The following PTPRE variants were observed in gnomAD, a reference collection of about 807,000 sequenced individuals.
PTPRE encodes the protein receptor-type tyrosine-protein phosphatase epsilon.
PTPRE carries 51 observed loss-of-function variants against 102.0 expected under a neutral mutation model. That is an observed-to-expected ratio of 0.50 (90% confidence interval 0.40 to 0.63). PTPRE has a LOEUF of 0.63. PTPRE is among the 30% of genes least tolerant of loss of function. The probability of loss-of-function intolerance (pLI) is 0.00; values close to 1 mark genes in which losing one functional copy is unlikely to be tolerated. For synonymous variants in PTPRE, 345 were observed against 348.2 expected, an observed-to-expected ratio of 0.99 and a Z score of 0.10; for missense variants, 752 against 915.1, an observed-to-expected ratio of 0.82 and a Z score of 2.30.
chr10:128,076,183 C>A (rs12708321), intron 17 of PTPRE, among the ~76,000 whole-genome samples: 36,271 of 152,050 alleles, frequency 0.24, 4,568 homozygotes, highest in East Asian at 0.4. Flanking sequence ...TTAAACCTTA[C>A]TCCATCTGGG....
intron 6 of PTPRE, among the ~76,000 whole-genome samples, chr10:128,052,908 A>C (rs1046925651): frequency 2.0e-5 from 3 of 152,134 alleles, no homozygotes; most frequent in Admixed American, 6.5e-5. Flanking sequence ...CCTGCCCGAC[A>C]CTACCGAGCG....
intron 1 of PTPRE, among the ~76,000 whole-genome samples, chr10:127,975,217 G>A (rs540531050): frequency 3.9e-5 from 6 of 152,098 alleles, no homozygotes; most frequent in Non-Finnish European, 5.9e-5. Flanking sequence ...GTGAGTGAGC[G>A]GCCTCTAGAA....
intron 1 of PTPRE, among the ~76,000 whole-genome samples, chr10:127,911,359 G>T (rs1845856115): frequency 6.6e-6 from 1 of 152,224 alleles, no homozygotes; most frequent in Non-Finnish European, 1.5e-5. Flanking sequence ...AATGCAACTT[G>T]CTGTGCACAT....
rs1214278308 is a variant in PTPRE, at chr10:127,907,877, A to G, written c.-31+568A>G. Reference sequence around the variant, plus strand: ...ATGCAGCAGCCGCCGGGGGTCGGAGATGCGGCAGGGAGACCCTGGCAGGTG... The same window carrying G: ...ATGCAGCAGCCGCCGGGGGTCGGAGGTGCGGCAGGGAGACCCTGGCAGGTG... On this transcript the variant is annotated intron_variant, in intron 1 of 20. Transcript: ENST00000254667. The surrounding 1 kb of genome is among the most constrained non-coding windows in gnomAD (Gnocchi z 4.8). Among the ~76,000 whole-genome samples, 1 of 152,134 alleles carries G rather than the reference A, an allele frequency of 6.6e-6. No individual in the cohort carries two copies. Among genetic ancestry groups the G allele is most frequent in the Admixed American group, 6.5e-5 (1 of 15,280 alleles).
chr10:127,977,417 A>T (rs184148887), intron 1 of PTPRE, among the ~76,000 whole-genome samples: 1 of 152,362 alleles, frequency 6.6e-6, no homozygotes, highest in Admixed American at 6.5e-5. Context: ...CTTCCAAAAA[A>T]TTCTTCAAGG....
At position 127,907,188 on chromosome 10, in the gene PTPRE, C is replaced by T. The variant is rs1845530632; in HGVS notation, c.-152C>T. On this transcript the variant is annotated 5_prime_UTR_variant, in exon 1 of 21. Coordinates refer to ENST00000254667, the MANE Select transcript of PTPRE (RefSeq NM_006504.6). This position sits in a 1 kb window ranked among gnomAD's most constrained non-coding sequence, Gnocchi z 4.8. ...GGAACCCACGGCCTCTGCGCGTCCC[C>T]GCGACCCTTCTTCGCGCCCGGCGAA... The T allele has an allele frequency of 1.1e-6, 1 of 914,566 alleles. No homozygotes were observed. The highest frequency in any genetic ancestry group is 1.3e-6 in the Non-Finnish European group (1 of 766,000). 56.7% of individuals were successfully genotyped at this position (914,566 alleles called of 1,614,324 possible).
At chr10:128,023,581 C>T (rs61873758) in intron 2 of PTPRE, among the ~76,000 whole-genome samples, 6,239 of 152,244 alleles carry the variant, frequency 0.041, 179 homozygotes, top group Middle Eastern at 0.085. Context: ...ATAAACTTTA[C>T]GTAGGTACAT....
rs1844712280 is a variant in PTPRE, at chr10:128,008,615, GC to G, written c.-8+26322del. On this transcript the variant is annotated intron_variant, in intron 2 of 20. Coordinates refer to ENST00000254667, the MANE Select transcript of PTPRE (RefSeq NM_006504.6). The surrounding 1 kb of genome is among the most constrained non-coding windows in gnomAD (Gnocchi z 4.0). ...GCCTTTGCTTTTGGTATGGGAAGGA[GC>G]CCGACACACCTGGTCTTTCTCAACT... Among the ~76,000 whole-genome samples the G allele has an allele frequency of 6.6e-6, 1 of 152,136 alleles. No individual in the cohort carries two copies. The highest frequency in any genetic ancestry group is 1.5e-5 in the Non-Finnish European group (1 of 68,016).
intron 1 of PTPRE, among the ~76,000 whole-genome samples, chr10:127,928,676 G>A (rs1203288191): frequency 6.6e-6 from 1 of 152,178 alleles, no homozygotes; most frequent in Non-Finnish European, 1.5e-5. Context: ...AGCAAACATC[G>A]TACTGTGGGT....
intron 2 of PTPRE, among the ~76,000 whole-genome samples, chr10:127,986,673 C>T (rs1048710338): frequency 4.6e-5 from 7 of 151,996 alleles, no homozygotes; most frequent in Non-Finnish European, 1.0e-4. Flanking sequence ...ATTTGTGTTT[C>T]TTGATGTTGA....
At chr10:128,075,441 C>T (rs375935459) in intron 17 of PTPRE, among the ~76,000 whole-genome samples, 10 of 152,154 alleles carry the variant, frequency 6.6e-5, no homozygotes, top group African/African-American at 2.4e-4. Flanking sequence ...TCCCTCCCCT[C>T]ACCCTCCACC....
In PTPRE at chr10:128,084,614, C is replaced by T. The variant is rs1283968415; in HGVS notation, c.*1708C>T. On this transcript the variant is annotated 3_prime_UTR_variant, in exon 21 of 21. Coordinates refer to ENST00000254667, the MANE Select transcript of PTPRE (RefSeq NM_006504.6). Reference sequence around the variant, plus strand: ...CTGCTGAACGTGCTCCTCTCTCCTTCTCTGTACAATGATTCAGCATCTCGG... The same window carrying T: ...CTGCTGAACGTGCTCCTCTCTCCTTTTCTGTACAATGATTCAGCATCTCGG... 6.5e-6 allele frequency: 1 copy of T among 153,036 alleles called. No homozygotes were observed. The highest frequency in any genetic ancestry group is 2.4e-5 in the African/African-American group (1 of 41,456). 9.5% of individuals were successfully genotyped at this position (153,036 alleles called of 1,614,324 possible). A position where few individuals can be genotyped will look rare whatever the true frequency, so the allele number is the denominator to read the frequency against.
rs190630649 is a variant in PTPRE at position 127,927,061 on chromosome 10, C to T, written c.-31+19752C>T. On this transcript the variant is annotated intron_variant, in intron 1 of 20. Transcript: ENST00000254667. ...TCCTGACCTCATGATCTGCCAGCCT[C>T]GGCCTCCCAAAGTCCTAGGATTACA... Among the ~76,000 whole-genome samples the T allele has an allele frequency of 1.6e-4, 24 of 152,034 alleles. No homozygotes were observed. The East Asian group carries it at 3.7e-3, about 23-fold the overall frequency.
intron 10 of PTPRE, among the ~76,000 whole-genome samples, chr10:128,063,985 A>G (rs977503140): frequency 6.6e-6 from 1 of 152,208 alleles, no homozygotes; most frequent in Non-Finnish European, 1.5e-5. Flanking sequence ...TCTGGCATGA[A>G]GGCCCGGTTC....
intron 20 of PTPRE, among the ~76,000 whole-genome samples, chr10:128,081,446 G>A (rs1851703134): frequency 6.6e-6 from 1 of 152,178 alleles, no homozygotes; most frequent in Non-Finnish European, 1.5e-5. Context: ...ATCCATCACT[G>A]GCCCCAATCA....
At chr10:127,919,078 A>G (rs1451195616) in intron 1 of PTPRE, among the ~76,000 whole-genome samples, 1 of 152,196 alleles carries the variant, frequency 6.6e-6, no homozygotes, top group Non-Finnish European at 1.5e-5. Flanking sequence ...GACCTTACCC[A>G]GGTACCATTC....
intron 5 of PTPRE, among the ~76,000 whole-genome samples, 172 bp downstream of exon 5, chr10:128,048,009 C>G (rs561996162): frequency 1.3e-5 from 2 of 152,316 alleles, no homozygotes; most frequent in South Asian, 2.1e-4. Context: ...TATTTCAAAA[C>G]TTTAAGGATC....
intron 1 of PTPRE, among the ~76,000 whole-genome samples, chr10:127,961,698 C>A (rs866788772): frequency 3.3e-5 from 5 of 152,176 alleles, no homozygotes; most frequent in Admixed American, 6.5e-5. Flanking sequence ...CTCTCCCCAG[C>A]GTCTTGTCTG....
At chr10:127,945,264 T>C (rs989205119) in intron 1 of PTPRE, among the ~76,000 whole-genome samples, 1 of 152,190 alleles carries the variant, frequency 6.6e-6, no homozygotes, top group Non-Finnish European at 1.5e-5. Context: ...TGTAGCAACA[T>C]TCATACATGG....
Sources: allele counts gnomAD v4.1 joint callset (sites outside exome capture counted in the v4.1 genomes callset), GRCh38; gene constraint gnomAD v4.1.1; non-coding constraint Gnocchi (gnomAD v3.1); transcripts MANE v1.5; gene names NCBI Gene and HGNC (gene_info 2026-07-23, HGNC 2026-07-21).